KHDRBS2: variants seen among roughly 807,000 people sequenced by gnomAD.
KHDRBS2 encodes the protein KH domain-containing, RNA-binding, signal transduction-associated protein 2.
KHDRBS2 carries 26 observed loss-of-function variants against 44.3 expected under a neutral mutation model. That is an observed-to-expected ratio of 0.59 (90% CI 0.43 to 0.81). The LOEUF (loss-of-function observed/expected upper bound fraction) is 0.81. Ranked by LOEUF, KHDRBS2 falls within the 40% of genes least tolerant of loss-of-function variation. The probability of loss-of-function intolerance (pLI) is 0.00; values close to 1 mark genes in which losing one functional copy is unlikely to be tolerated. For missense variants in KHDRBS2, 476 were observed against 433.1 expected (o/e 1.10, Z -0.88); for synonymous variants, 194 against 151.1 (o/e 1.28, Z -2.08).
chr6:61,866,124 G>A (rs538118933), intron 6 of KHDRBS2, among the ~76,000 whole-genome samples: 15 of 152,338 alleles, frequency 9.8e-5, no homozygotes, highest in African/African-American at 3.4e-4. Context: ...ACTAGGCAAT[G>A]TCCCTGTAGG....
intron 1 of KHDRBS2, among the ~76,000 whole-genome samples, chr6:62,274,901 G>A (rs948309228): frequency 3.3e-5 from 5 of 151,406 alleles, no homozygotes; most frequent in African/African-American, 7.3e-5. Flanking sequence ...CCCAATTAAC[G>A]TATGCTTAAC....
At chr6:61,574,760 T>A in the KHDRBS2 span, among the ~76,000 whole-genome samples, 1 of 151,924 alleles carries the variant, frequency 6.6e-6, no homozygotes, top group Non-Finnish European at 1.5e-5. Flanking sequence ...AATACAAAAA[T>A]TAGCTGGGTG....
intron 4 of KHDRBS2, among the ~76,000 whole-genome samples, chr6:61,951,188 A>G (rs1257014634): frequency 1.3e-5 from 2 of 152,070 alleles, no homozygotes; most frequent in African/African-American, 4.8e-5. Context: ...TATAAGGTGC[A>G]GATTTGTCAC....
chr6:62,247,281 A>C (rs1835737766), intron 1 of KHDRBS2, among the ~76,000 whole-genome samples: 1 of 152,080 alleles, frequency 6.6e-6, no homozygotes, highest in African/African-American at 2.4e-5. Context: ...AAATAACATG[A>C]GATATAGTGT....
intron 6 of KHDRBS2, among the ~76,000 whole-genome samples, chr6:61,833,864 TTCTC>T: frequency 6.6e-6 from 1 of 152,264 alleles, no homozygotes. Context: ...ATTTAAAATT[TTCTC>T]TCTCTGTTTG....
chr6:61,896,185 T>C (rs768914671), intron 5 of KHDRBS2, among the ~76,000 whole-genome samples: 27 of 152,186 alleles, frequency 1.8e-4, no homozygotes, highest in Non-Finnish European at 1.9e-4. Flanking sequence ...ACATTTCTGT[T>C]TCCTCATAAG....
chr6:61,744,809 G>T (rs1290807930), intron 6 of KHDRBS2, among the ~76,000 whole-genome samples: 2 of 151,858 alleles, frequency 1.3e-5, no homozygotes, highest in Non-Finnish European at 2.9e-5. Context: ...TTCTTATTAG[G>T]AGAAACAAAC....
the KHDRBS2 span, among the ~76,000 whole-genome samples, chr6:61,657,163 A>C: frequency 6.6e-6 from 1 of 151,936 alleles, no homozygotes; most frequent in Non-Finnish European, 1.5e-5. Context: ...CCTGATACCA[A>C]AGTAAGTGGC....
chr6:61,690,064 A>G (rs1767224632), intron 8 of KHDRBS2, among the ~76,000 whole-genome samples: 1 of 151,980 alleles, frequency 6.6e-6, no homozygotes, highest in African/African-American at 2.4e-5. Flanking sequence ...AATCAAGTGT[A>G]GCACATTTAT....
chr6:61,963,667 G>A (rs1769261027), intron 4 of KHDRBS2, among the ~76,000 whole-genome samples: 1 of 151,984 alleles, frequency 6.6e-6, no homozygotes, highest in Admixed American at 6.6e-5. Flanking sequence ...GGGAAATGAT[G>A]TCCTAACCCA....
intron 3 of KHDRBS2, among the ~76,000 whole-genome samples, chr6:62,045,283 T>C (rs1229027153): frequency 1.3e-5 from 2 of 151,998 alleles, no homozygotes; most frequent in Admixed American, 6.6e-5. Flanking sequence ...ATGGCTATAG[T>C]TGTCATAATA....
chr6:62,276,685 A>T (rs1441831451), intron 1 of KHDRBS2, among the ~76,000 whole-genome samples: 1 of 152,218 alleles, frequency 6.6e-6, no homozygotes, highest in Non-Finnish European at 1.5e-5. Flanking sequence ...ATATTTTATG[A>T]TATCATATAA....
the KHDRBS2 span, among the ~76,000 whole-genome samples, chr6:61,650,871 C>T: frequency 6.6e-6 from 1 of 151,996 alleles, no homozygotes. Flanking sequence ...GAAAGAAAAA[C>T]TTTATTAACA....
the KHDRBS2 span, among the ~76,000 whole-genome samples, chr6:61,557,671 C>T: frequency 1.3e-5 from 2 of 152,128 alleles, no homozygotes; most frequent in Non-Finnish European, 2.9e-5. Context: ...GAAGTATTCT[C>T]TTCTCTATTT....
At chr6:61,854,680 T>C (rs1194930734) in intron 6 of KHDRBS2, among the ~76,000 whole-genome samples, 4 of 152,180 alleles carry the variant, frequency 2.6e-5, no homozygotes, top group Admixed American at 6.6e-5. Context: ...GATTACATAG[T>C]GAAACACCAA....
the KHDRBS2 span, among the ~76,000 whole-genome samples, chr6:61,622,051 T>A: frequency 6.6e-6 from 1 of 152,206 alleles, no homozygotes; most frequent in Non-Finnish European, 1.5e-5. Context: ...AATTGTAGCC[T>A]TGTGAGAACC....
chr6:62,090,545 GT>G (rs2127363148), intron 2 of KHDRBS2, among the ~76,000 whole-genome samples: 1 of 151,430 alleles, frequency 6.6e-6, no homozygotes, highest in African/African-American at 2.4e-5. Context: ...ACACCTAGTG[GT>G]TATAGGAAAG....
chr6:61,850,315 G>A (rs768384217), intron 6 of KHDRBS2, among the ~76,000 whole-genome samples: 3 of 152,014 alleles, frequency 2.0e-5, no homozygotes, highest in Non-Finnish European at 4.4e-5. Context: ...TTTGGCATCT[G>A]CTTTTTGACT....
intron 6 of KHDRBS2, among the ~76,000 whole-genome samples, chr6:61,893,575 A>G (rs1444179981): frequency 1.3e-5 from 2 of 152,208 alleles, no homozygotes; most frequent in African/African-American, 2.4e-5. Context: ...AGCCATAAAA[A>G]ATGATGAGTT....
Sources: gnomAD v4.1 joint callset for allele counts (sites outside exome capture counted in the v4.1 genomes callset) on GRCh38, gnomAD v4.1.1 for gene constraint, MANE v1.5 for transcripts, NCBI Gene and HGNC (gene_info 2026-07-23, HGNC 2026-07-21) for gene names.